Variants in LYZ observed in about 807,000 individuals in gnomAD.
The protein encoded by LYZ is lysozyme C.
LYZ carries 18 observed loss-of-function variants against 15.8 expected under a neutral mutation model. That is an observed-to-expected ratio of 1.14 (90% CI 0.79 to 1.69). The LOEUF (loss-of-function observed/expected upper bound fraction) is 1.69. Among genes scored for constraint, LYZ ranks in the 40% most tolerant of loss-of-function variants. The probability of loss-of-function intolerance (pLI) is 0.00; values close to 1 mark genes in which losing one functional copy is unlikely to be tolerated. For missense variants in LYZ, 139 were observed against 182.8 expected, an observed-to-expected ratio of 0.76 and a Z score of 1.38; for synonymous variants, 60 against 61.7, an observed-to-expected ratio of 0.97 and a Z score of 0.13.
chr12:69,349,933 G>A (rs1424590939), intron 1 of LYZ, among the ~76,000 whole-genome samples, 175 bp from the exon 2 acceptor site: 1 of 152,038 alleles, frequency 6.6e-6, no homozygotes, highest in African/African-American at 2.4e-5. Flanking sequence ...CATTACAAAA[G>A]GATTCTCTTA....
At chr12:69,352,394 C>A in intron 3 of LYZ, 96 bp downstream of exon 3, 1 of 937,448 alleles carries the variant, frequency 1.1e-6, no homozygotes, top group Non-Finnish European at 1.7e-6. Context: ...GCTAATGACA[C>A]CTCAAAATTG....
Position 69,350,185 on chromosome 12 carries a change from T to A in LYZ, c.214T>A (p.Tyr72Asn). 6.2e-7 allele frequency: 1 copy of A among 1,614,138 alleles called. No homozygotes were observed. Among genetic ancestry groups the A allele is most frequent in the Non-Finnish European group, 8.5e-7 (1 of 1,179,998 alleles). The change falls in exon 2 of 4, where the codon TAT (tyrosine) becomes AAT (asparagine). Residue 72 changes from tyrosine (Y) to asparagine (N), a missense_variant. By Grantham distance (143) the Tyr-to-Asn change is moderately radical (BLOSUM62 -2). Transcript: ENST00000261267. ...CAATGCTGGAGACAGAAGCACTGAT[T>A]ATGGGATATTTCAGATCAATAGCCG... is the stretch of plus-strand genomic sequence containing the variant. The part of the protein sequence containing the change: ...NYNAGDRSTD[Y>N]GIFQINSRYW...
chr12:69,352,192 T>C (rs756931248), intron 2 of LYZ, 28 bp from the exon 3 acceptor site: 1 of 1,546,176 alleles, frequency 6.5e-7, no homozygotes, highest in Non-Finnish European at 8.9e-7. Flanking sequence ...TCTATTAAAG[T>C]TTTTATTCCT....
chr12:69,353,242 C>A lies in LYZ; in HGVS notation c.*23C>A. 1.3e-6 allele frequency: 2 copies of A among 1,562,384 alleles called. No individual in the cohort carries two copies. The highest frequency in any genetic ancestry group is 1.1e-5 in the South Asian group (1 of 89,998). ...TAACTCCAGAATTTTCCTTCTTCAG[C>A]TCATTTTGTCTCTCTCACATTAAGG... On this transcript the variant is annotated 3_prime_UTR_variant, in exon 4 of 4. Transcript: ENST00000261267.
Position 69,348,460 on chromosome 12 carries a change from G to T in LYZ, c.52G>T (p.Gly18Cys), listed in dbSNP as rs776243268. ...TGTCCTCCTTTCTGTTACGGTCCAG[G>T]GCAAGGTCTTTGAAAGGTGTGAGTT... The part of the protein sequence containing the change: ...GLVLLSVTVQ[G>C]KVFERCELAR... Residue 18 changes from glycine to cysteine, a missense_variant, in exon 1 of 4, where the codon GGC becomes TGC. Coordinates refer to ENST00000261267, the MANE Select transcript of LYZ (RefSeq NM_000239.3). The T allele has an allele frequency of 3.1e-6, 5 of 1,614,148 alleles. No homozygotes were observed. The highest frequency in any genetic ancestry group is 3.4e-6 in the Non-Finnish European group (4 of 1,180,030).
chr12:69,350,701 G>T, intron 2 of LYZ, among the ~76,000 whole-genome samples: 1 of 106,942 alleles, frequency 9.4e-6, no homozygotes, highest in Admixed American at 9.7e-5. Flanking sequence ...CACTTTAAAA[G>T]TTGTTAACAT....
intron 1 of LYZ, 141 bp downstream of exon 1, chr12:69,348,685 T>G (rs1874778317): frequency 9.5e-7 from 1 of 1,057,606 alleles, no homozygotes; most frequent in African/African-American, 1.6e-5. Context: ...GCTAAAAACA[T>G]CAGTTTGGTT....
intron 1 of LYZ, among the ~76,000 whole-genome samples, 161 bp downstream of exon 1, chr12:69,348,705 C>T (rs1874778575): frequency 1.3e-5 from 2 of 152,136 alleles, no homozygotes; most frequent in African/African-American, 4.8e-5. Context: ...TCTTTATAAC[C>T]AGAGATACCC....
Position 69,353,477 on chromosome 12 carries a change from C to T in LYZ, c.*258C>T. 2 of 489,482 alleles carry T rather than the reference C, an allele frequency of 4.1e-6. No homozygotes were observed. Among genetic ancestry groups the T allele is most frequent in the East Asian group, 4.0e-5 (1 of 24,952 alleles). 30.3% of individuals were successfully genotyped at this position (489,482 alleles called of 1,614,324 possible). ...TACCTAAAACCTTGGTTATCAAATACATCTCCAGTACATTCCGTTCTTTTT... is the reference window on the plus strand; with the variant it reads ...TACCTAAAACCTTGGTTATCAAATATATCTCCAGTACATTCCGTTCTTTTT... On this transcript the variant is annotated 3_prime_UTR_variant, in exon 4 of 4. Coordinates refer to ENST00000261267, the MANE Select transcript of LYZ (RefSeq NM_000239.3).
intron 3 of LYZ, 30 bp downstream of exon 3, chr12:69,352,328 A>G (rs1874859802): frequency 6.5e-7 from 1 of 1,527,734 alleles, no homozygotes; most frequent in Non-Finnish European, 9.1e-7. Context: ...AGGGAAAACT[A>G]TCTTACTCTA....
chr12:69,350,982 G>A (rs1371952332), intron 2 of LYZ, among the ~76,000 whole-genome samples: 1 of 151,654 alleles, frequency 6.6e-6, no homozygotes, highest in Non-Finnish European at 1.5e-5. Context: ...TGTTGCCCAG[G>A]CTGGTCTTGA....
chr12:69,348,599 G>A, intron 1 of LYZ, 55 bp downstream of exon 1: 1 of 1,601,572 alleles, frequency 6.2e-7, no homozygotes, highest in South Asian at 1.1e-5. Context: ...ACAGACACTA[G>A]GAGAGAAGGA....
rs1402282903 is a variant in LYZ at position 69,353,324 on chromosome 12, A to AT, written c.*110dup. 2 of 937,166 alleles carry AT rather than the reference A, an allele frequency of 2.1e-6. No individual in the cohort carries two copies. Among genetic ancestry groups the AT allele is most frequent in the Non-Finnish European group, 3.5e-6 (2 of 565,836 alleles). The allele number at this position is 937,166 out of a possible 1,614,324, so 58.1% of individuals were successfully genotyped here. Reference sequence around the variant, plus strand: ...ATTATTTCCCCTTCAAACAAATAATATTTTTACAGAAGCAGGAGCAAAATA... The same window carrying AT: ...ATTATTTCCCCTTCAAACAAATAATATTTTTTACAGAAGCAGGAGCAAAATA... On this transcript the variant is annotated 3_prime_UTR_variant, in exon 4 of 4. Transcript: ENST00000261267.
At chr12:69,352,137 G>A in intron 2 of LYZ, 83 bp from the exon 3 acceptor site, 4 of 865,572 alleles carry the variant, frequency 4.6e-6, no homozygotes, top group Non-Finnish European at 7.7e-6. Flanking sequence ...TCTTTCCACA[G>A]CCTAACAGAA....
chr12:69,349,189 G>A (rs1216602687), intron 1 of LYZ, among the ~76,000 whole-genome samples: 1 of 152,022 alleles, frequency 6.6e-6, no homozygotes, highest in African/African-American at 2.4e-5. Context: ...TTTCAGTACA[G>A]ATGGGGTTTC....
Position 69,353,383 on chromosome 12 carries a change from A to C in LYZ, c.*164A>C, listed in dbSNP as rs1874886835. On this transcript the variant is annotated 3_prime_UTR_variant, in exon 4 of 4. Coordinates refer to ENST00000261267, the MANE Select transcript of LYZ (RefSeq NM_000239.3). ...CTTCTAAGAGATATAATGTTCACTA[A>C]TGTGGTTATTTTACATTAAGCCTAC... 2 of 699,328 alleles carry C rather than the reference A, an allele frequency of 2.9e-6. No homozygotes were observed. Among genetic ancestry groups the C allele is most frequent in the Admixed American group, 2.1e-5 (1 of 47,842 alleles). 43.3% of individuals were successfully genotyped at this position (699,328 alleles called of 1,614,324 possible). A position where few individuals can be genotyped will look rare whatever the true frequency, so the allele number is the denominator to read the frequency against.
At chr12:69,349,721 T>G (rs1460981610) in intron 1 of LYZ, among the ~76,000 whole-genome samples, 2 of 152,230 alleles carry the variant, frequency 1.3e-5, no homozygotes, top group African/African-American at 4.8e-5. Context: ...GTTTTTCTGA[T>G]TAAAAAAAGC....
At chr12:69,349,300 G>A (rs1017399952) in intron 1 of LYZ, among the ~76,000 whole-genome samples, 2 of 152,238 alleles carry the variant, frequency 1.3e-5, no homozygotes, top group East Asian at 1.9e-4. Flanking sequence ...ACTGCACCCA[G>A]CCGACATGGG....
chr12:69,352,088 T>C (rs596919), intron 2 of LYZ, 132 bp from the exon 3 acceptor site: 36,687 of 623,974 alleles, frequency 0.059, 2,726 homozygotes, highest in African/African-American at 0.28. Flanking sequence ...CCCCAACAAT[T>C]ACACATATAT....
Sources: allele counts gnomAD v4.1 joint callset (sites outside exome capture counted in the v4.1 genomes callset), GRCh38; gene constraint gnomAD v4.1.1; transcripts MANE v1.5; gene names NCBI Gene and HGNC (gene_info 2026-07-23, HGNC 2026-07-21).